The following ADAM10 variants were observed in gnomAD, a reference collection of about 807,000 sequenced individuals.
ADAM10 encodes the protein disintegrin and metalloproteinase domain-containing protein 10.
In ADAM10, 17 loss-of-function variants were observed where a neutral mutation model predicts 90.1. The ratio of observed to expected loss-of-function variants is 0.19; its 90% CI spans 0.13 to 0.28. ADAM10 has a LOEUF of 0.28. Among genes scored for constraint, ADAM10 ranks in the 10% least tolerant of loss-of-function variants. The probability of loss-of-function intolerance (pLI) is 1.00; values close to 1 mark genes in which losing one functional copy is unlikely to be tolerated. For missense variants in ADAM10, 610 were observed against 914.3 expected (o/e 0.67, Z 4.29); for synonymous variants, 310 against 298.6 (o/e 1.04, Z -0.40).
chr15:58,711,294 G>A (rs1449001236), intron 2 of ADAM10, among the ~76,000 whole-genome samples: 1 of 151,984 alleles, frequency 6.6e-6, no homozygotes, highest in African/African-American at 2.4e-5. Flanking sequence ...TAAATACACA[G>A]GCAGAAAAAT....
chr15:58,720,514 C>T (rs541937590), intron 1 of ADAM10, among the ~76,000 whole-genome samples: 50 of 152,110 alleles, frequency 3.3e-4, no homozygotes, highest in Admixed American at 2.6e-4. Flanking sequence ...CATTCTCCCG[C>T]CTCAGCCTCC....
chr15:58,672,988 A>G, intron 4 of ADAM10: 1 of 213,196 alleles, frequency 4.7e-6, no homozygotes, highest in South Asian at 8.6e-5. Flanking sequence ...ACCCCTGTAC[A>G]CAACTCACTC....
intron 4 of ADAM10, among the ~76,000 whole-genome samples, chr15:58,665,944 T>C (rs1002053729): frequency 2.0e-5 from 3 of 151,924 alleles, no homozygotes; most frequent in African/African-American, 7.2e-5. Context: ...TCAGTTCTTT[T>C]CTCCAATGAT....
chr15:58,713,845 G>C (rs1282701432), intron 2 of ADAM10, among the ~76,000 whole-genome samples: 4 of 145,246 alleles, frequency 2.8e-5, no homozygotes, highest in African/African-American at 1.0e-4. Flanking sequence ...ATGAAGTCTT[G>C]CTCTGTCGCC....
intron 2 of ADAM10, among the ~76,000 whole-genome samples, chr15:58,695,176 A>T (rs1477666136): frequency 6.6e-6 from 1 of 152,154 alleles, no homozygotes; most frequent in African/African-American, 2.4e-5. Flanking sequence ...CTCTTGCCAA[A>T]TAACTCCCAG....
chr15:58,655,879 T>G (rs1338863439), intron 5 of ADAM10, among the ~76,000 whole-genome samples: 3 of 149,654 alleles, frequency 2.0e-5, no homozygotes, highest in Admixed American at 1.3e-4. Flanking sequence ...CCTGAGTAGC[T>G]GGGATTACAG....
intron 5 of ADAM10, among the ~76,000 whole-genome samples, chr15:58,647,248 ATTT>A (rs67378373): frequency 0.094 from 5,568 of 59,498 alleles, 981 homozygotes; most frequent in African/African-American, 0.28. Flanking sequence ...GACACTAAGT[ATTT>A]TTTTTTTTTT....
At chr15:58,718,233 T>C (rs1898729191) in intron 1 of ADAM10, among the ~76,000 whole-genome samples, 1 of 152,166 alleles carries the variant, frequency 6.6e-6, no homozygotes. Context: ...ACCTGCTCTT[T>C]CTGCAGCTAT....
At chr15:58,690,531 A>C (rs1418410979) in intron 2 of ADAM10, among the ~76,000 whole-genome samples, 2 of 152,224 alleles carry the variant, frequency 1.3e-5, no homozygotes, top group East Asian at 3.8e-4. Flanking sequence ...CAACAAAAAA[A>C]CAGGATATAC....
At chr15:58,665,296 A>T (rs1458771735) in intron 4 of ADAM10, 99 bp from the exon 5 acceptor site, 1 of 957,240 alleles carries the variant, frequency 1.0e-6, no homozygotes, top group Non-Finnish European at 1.7e-6. Flanking sequence ...TTAACTAATG[A>T]AAACCATAAA....
intron 1 of ADAM10, among the ~76,000 whole-genome samples, chr15:58,721,963 G>C (rs1450030554): frequency 6.6e-6 from 1 of 152,128 alleles, no homozygotes; most frequent in African/African-American, 2.4e-5. Flanking sequence ...GGGAGGCGAA[G>C]GTTACGGTGA....
At chr15:58,636,152 A>G (rs1896244354) in intron 8 of ADAM10, among the ~76,000 whole-genome samples, 1 of 151,982 alleles carries the variant, frequency 6.6e-6, no homozygotes, top group Non-Finnish European at 1.5e-5. Flanking sequence ...TGGTGCATGC[A>G]TGTAATCCCA....
At chr15:58,729,991 C>CCA (rs1899180096) in intron 1 of ADAM10, among the ~76,000 whole-genome samples, 1 of 120,910 alleles carries the variant, frequency 8.3e-6, no homozygotes, top group African/African-American at 3.1e-5. Context: ...AAAAACAAAA[C>CCA]AAACAAACAA....
intron 14 of ADAM10, among the ~76,000 whole-genome samples, chr15:58,602,449 C>T (rs1383659839): frequency 2.0e-5 from 3 of 152,144 alleles, no homozygotes; most frequent in Non-Finnish European, 4.4e-5. Flanking sequence ...CCCCATCCCA[C>T]ACCTTCTGAA....
intron 5 of ADAM10, among the ~76,000 whole-genome samples, chr15:58,653,478 A>T (rs190241951): frequency 2.0e-4 from 30 of 152,296 alleles, no homozygotes; most frequent in Admixed American, 2.0e-3. Flanking sequence ...AAATTATCGT[A>T]TAAGTTTTGT....
chr15:58,738,298 T>C (rs1280373191), intron 1 of ADAM10, among the ~76,000 whole-genome samples: 1 of 152,232 alleles, frequency 6.6e-6, no homozygotes, highest in Non-Finnish European at 1.5e-5. Flanking sequence ...ACTCAGATCT[T>C]CAGGCACTAA....
chr15:58,663,410 T>C (rs1897014171), intron 5 of ADAM10, among the ~76,000 whole-genome samples: 1 of 152,232 alleles, frequency 6.6e-6, no homozygotes, highest in African/African-American at 2.4e-5. Context: ...CTCATTTTTA[T>C]TCCGCTAGTT....
chr15:58,599,838 A>C, intron 14 of ADAM10, 114 bp from the exon 15 acceptor site: 2 of 1,102,784 alleles, frequency 1.8e-6, no homozygotes, highest in Non-Finnish European at 2.6e-6. Context: ...ATTTTTAAAG[A>C]ACATTTGTTT....
intron 11 of ADAM10, among the ~76,000 whole-genome samples, chr15:58,619,909 A>C (rs1406708938): frequency 1.3e-5 from 2 of 152,038 alleles, no homozygotes; most frequent in Non-Finnish European, 2.9e-5. Context: ...ATCTCAAAAA[A>C]AAAAATTTAA....
Sources: allele counts gnomAD v4.1 joint callset (sites outside exome capture counted in the v4.1 genomes callset), GRCh38; gene constraint gnomAD v4.1.1; transcripts MANE v1.5; gene names NCBI Gene and HGNC (gene_info 2026-07-23, HGNC 2026-07-21).